ACOT12: variants seen among roughly 807,000 people sequenced by gnomAD.
ACOT12 encodes the protein acyl-CoA thioesterase 12.
ACOT12 carries 51 observed loss-of-function variants against 67.7 expected under a neutral mutation model. The ratio of observed to expected loss-of-function variants is 0.75; its 90% CI spans 0.60 to 0.95. ACOT12 has a LOEUF of 0.95. Ranked by LOEUF, ACOT12 falls within the 40% of genes least tolerant of loss-of-function variation. The probability of loss-of-function intolerance (pLI) is 0.00; values close to 1 mark genes in which losing one functional copy is unlikely to be tolerated. For missense variants in ACOT12, 734 were observed against 708.1 expected (o/e 1.04, Z -0.41); for synonymous variants, 251 against 244.6 (o/e 1.03, Z -0.24).
chr5:81,367,786 T>C (rs1391140305), intron 3 of ACOT12, among the ~76,000 whole-genome samples: 1 of 151,714 alleles, frequency 6.6e-6, no homozygotes, highest in Non-Finnish European at 1.5e-5. Context: ...TTAGAATAAA[T>C]AAAAAAATAG....
At chr5:81,372,018 A>G (rs191350280) in intron 2 of ACOT12, among the ~76,000 whole-genome samples, 1 of 152,350 alleles carries the variant, frequency 6.6e-6, no homozygotes, top group Admixed American at 6.5e-5. Flanking sequence ...TTATGGTGTT[A>G]GCGGACCACC....
downstream of ACOT12, among the ~76,000 whole-genome samples, chr5:81,326,088 T>A (rs1430360798): frequency 6.6e-6 from 1 of 150,590 alleles, no homozygotes; most frequent in Non-Finnish European, 1.5e-5. Flanking sequence ...ATTATAGGCA[T>A]GAGCGACTGC....
chr5:81,311,089 G>C, the ACOT12 span: 1 of 943,260 alleles, frequency 1.1e-6, no homozygotes, highest in Non-Finnish European at 1.7e-6. Flanking sequence ...CTATGATCCT[G>C]GTCTAGCTAC....
intron 4 of ACOT12, among the ~76,000 whole-genome samples, chr5:81,362,410 C>T (rs1455829854): frequency 6.6e-6 from 1 of 152,136 alleles, no homozygotes; most frequent in Non-Finnish European, 1.5e-5. Flanking sequence ...AGGTGATCCA[C>T]CCGCCTCAGC....
downstream of ACOT12, among the ~76,000 whole-genome samples, chr5:81,327,207 T>TAC (rs71992916): frequency 3.4e-5 from 5 of 144,958 alleles, no homozygotes; most frequent in Admixed American, 6.9e-5. Flanking sequence ...ATAATATATA[T>TAC]ACACACACAC....
chr5:81,347,508 A>T (rs1759416438), intron 6 of ACOT12, among the ~76,000 whole-genome samples: 1 of 152,216 alleles, frequency 6.6e-6, no homozygotes, highest in African/African-American at 2.4e-5. Context: ...GTTTCATAAG[A>T]TCAATATTCA....
intron 2 of ACOT12, among the ~76,000 whole-genome samples, chr5:81,376,783 A>C (rs1269179458): frequency 1.3e-5 from 2 of 152,172 alleles, no homozygotes; most frequent in Non-Finnish European, 2.9e-5. Flanking sequence ...CCCAAGACTA[A>C]ACTAGGAAGA....
intron 11 of ACOT12, among the ~76,000 whole-genome samples, chr5:81,337,809 T>C (rs1377947468): frequency 6.6e-6 from 1 of 152,206 alleles, no homozygotes; most frequent in Non-Finnish European, 1.5e-5. Context: ...TCCTCTGTTA[T>C]AGCAGCCCTA....
chr5:81,326,013 T>C (rs924405736), downstream of ACOT12, among the ~76,000 whole-genome samples: 3 of 151,998 alleles, frequency 2.0e-5, no homozygotes. Context: ...TCTTGCTATG[T>C]TGCCCAGGCT....
rs1759241766 is a variant in ACOT12, at chr5:81,342,816, T to C, written c.1045-61A>G. The C allele has an allele frequency of 3.2e-6, 5 of 1,552,374 alleles. No individual in the cohort carries two copies. The African/African-American group carries it at 5.5e-5, about 17-fold the overall frequency. Reference sequence around the variant, plus strand: ...TTCAATACATGGATGTGTGATCATATATTTTCTGCTTAAAAAATGGGCACT... The same window carrying C: ...TTCAATACATGGATGTGTGATCATACATTTTCTGCTTAAAAAATGGGCACT... On this transcript the variant is annotated intron_variant, in intron 10 of 14. Coordinates refer to ENST00000307624, the MANE Select transcript of ACOT12 (RefSeq NM_130767.3).
At chr5:81,349,892 C>G (rs1759500748) in intron 5 of ACOT12, among the ~76,000 whole-genome samples, 1 of 152,128 alleles carries the variant, frequency 6.6e-6, no homozygotes, top group Admixed American at 6.5e-5. Context: ...TGAGAGTCCC[C>G]ACTGGTCCCC....
At position 81,331,169 on chromosome 5, in the gene ACOT12, A is replaced by G. The variant is rs150620687; in HGVS notation, c.1392-229T>C. The stretch of plus-strand genomic sequence containing the variant: ...ATACAATGCTTTGTGTAACTCCATG[A>G]AACTGGAGTCAACCACCAAACTGAA... On this transcript the variant is annotated intron_variant, in intron 13 of 14. Transcript: ENST00000307624. 1.4e-3 allele frequency among the ~76,000 whole-genome samples: 219 copies of G among 152,340 alleles called. 4 individuals carry two copies. In the East Asian group the frequency reaches 0.018, roughly 13 times the overall value.
intron 11 of ACOT12, among the ~76,000 whole-genome samples, chr5:81,338,722 G>A (rs1759090653): frequency 6.6e-6 from 1 of 152,238 alleles, no homozygotes; most frequent in Non-Finnish European, 1.5e-5. Context: ...AAAATCTGCT[G>A]GATCTTGCTA....
chr5:81,369,479 C>G (rs1320267348), intron 3 of ACOT12, among the ~76,000 whole-genome samples: 1 of 152,064 alleles, frequency 6.6e-6, no homozygotes, highest in Non-Finnish European at 1.5e-5. Context: ...GTTTAGTTGG[C>G]ATCTATATTT....
At position 81,371,793 on chromosome 5, in the gene ACOT12, G is replaced by A; in HGVS notation, c.215C>T (p.Thr72Ile). 3.1e-6 allele frequency: 5 copies of A among 1,614,000 alleles called. No homozygotes were observed. The highest frequency in any genetic ancestry group is 3.4e-6 in the Non-Finnish European group (4 of 1,179,950). Reference protein sequence around the residue: ...EETARVGQVITIKAKVTRAFS... With the variant: ...EETARVGQVIIIKAKVTRAFS... ...TGCTCTAGTAACTTTTGCTTTGATG[G>A]TTATAACTTGTCCAACTCTAGGGAA... is the stretch of plus-strand genomic sequence containing the variant. Residue 72 changes from threonine (T) to isoleucine (I), a missense_variant, in exon 3 of 15, where the codon ACC (threonine) becomes ATC (isoleucine). By Grantham distance (89) the Thr-to-Ile change is moderately conservative. Coordinates refer to ENST00000307624, the MANE Select transcript of ACOT12 (RefSeq NM_130767.3).
rs748378127 is a variant in ACOT12 at position 81,394,093 on chromosome 5, C to T, written c.22G>A (p.Glu8Lys). MERPAPG[E>K]VVMSQAIQPA... Reference sequence around the variant, plus strand: ...TGGATGGCTTGGCTCATGACCACCTCGCCGGGCGCCGGCCGCTCCATGGCC... The same window carrying T: ...TGGATGGCTTGGCTCATGACCACCTTGCCGGGCGCCGGCCGCTCCATGGCC... The change falls in exon 1 of 15, where the codon GAG becomes AAG. Residue 8 changes from glutamate (E) to lysine (K), a missense_variant. Coordinates refer to ENST00000307624, the MANE Select transcript of ACOT12 (RefSeq NM_130767.3). The T allele has an allele frequency of 1.4e-4, 201 of 1,456,586 alleles. No individual in the cohort carries two copies. The African/African-American group carries it at 2.5e-3, about 18-fold the overall frequency. 90.2% of individuals were successfully genotyped at this position (1,456,586 alleles called of 1,614,324 possible). A position where few individuals can be genotyped will look rare whatever the true frequency, so the allele number is the denominator to read the frequency against.
intron 12 of ACOT12, among the ~76,000 whole-genome samples, chr5:81,335,297 T>C (rs1758960586): frequency 6.6e-6 from 1 of 152,218 alleles, no homozygotes; most frequent in Non-Finnish European, 1.5e-5. Flanking sequence ...ATATAGATGA[T>C]AAGTGAGTAT....
At chr5:81,372,806 T>C (rs1407045276) in intron 2 of ACOT12, among the ~76,000 whole-genome samples, 3 of 152,256 alleles carry the variant, frequency 2.0e-5, no homozygotes, top group South Asian at 2.1e-4. Context: ...TACTGAGTAG[T>C]CCTGGCATTA....
At chr5:81,368,854 A>G (rs1182078045) in intron 3 of ACOT12, among the ~76,000 whole-genome samples, 1 of 152,006 alleles carries the variant, frequency 6.6e-6, no homozygotes, top group African/African-American at 2.4e-5. Flanking sequence ...TTAGACACAA[A>G]AATTATATAT....
Sources: allele counts gnomAD v4.1 joint callset (sites outside exome capture counted in the v4.1 genomes callset), GRCh38; gene constraint gnomAD v4.1.1; transcripts MANE v1.5; gene names NCBI Gene and HGNC (gene_info 2026-07-23, HGNC 2026-07-21).